KIAA0586: variants seen among roughly 807,000 people sequenced by gnomAD.
The protein encoded by KIAA0586 is KIAA0586.
KIAA0586 carries 144 observed loss-of-function variants against 169.8 expected under a neutral mutation model. The ratio of observed to expected loss-of-function variants is 0.85; its 90% CI spans 0.74 to 0.97. The LOEUF is 0.97. KIAA0586 is among the 50% of genes least tolerant of loss of function. KIAA0586 has a pLI of 0.00. For synonymous variants in KIAA0586, 625 were observed against 612.4 expected (o/e 1.02, Z -0.30); for missense variants, 1,854 against 1,823.0 (o/e 1.02, Z -0.31).
chr14:58,489,702 A>C (rs1233235393), intron 24 of KIAA0586, among the ~76,000 whole-genome samples: 1 of 152,038 alleles, frequency 6.6e-6, no homozygotes, highest in Non-Finnish European at 1.5e-5. Context: ...CCTTTCATGT[A>C]TATATGTCTT....
intron 26 of KIAA0586, among the ~76,000 whole-genome samples, chr14:58,496,735 T>C (rs1009450253): frequency 2.0e-5 from 3 of 152,182 alleles, no homozygotes; most frequent in African/African-American, 4.8e-5. Flanking sequence ...TTTCTTCATA[T>C]AGTCTAGTTA....
At chr14:58,554,846 C>T (rs1284062016), downstream of KIAA0586, among the ~76,000 whole-genome samples, 3 of 152,104 alleles carry the variant, frequency 2.0e-5, no homozygotes, top group Admixed American at 6.5e-5. Context: ...CAGATTTGGC[C>T]CATGGGCTGT....
At chr14:58,453,541 TG>T in intron 9 of KIAA0586, 68 bp downstream of exon 9, 1 of 1,149,682 alleles carries the variant, frequency 8.7e-7, no homozygotes, top group Non-Finnish European at 1.2e-6. Context: ...CAAATTTCTT[TG>T]GGACTTTTAA....
chr14:58,465,885 C>T lies in KIAA0586; in HGVS notation c.2110C>T (p.Pro704Ser). The change falls in exon 15 of 31, where the codon CCT becomes TCT. Residue 704 changes from proline (P) to serine (S), a missense_variant. By Grantham distance (74) the Pro-to-Ser change is moderately conservative (BLOSUM62 -1). Transcript: ENST00000652326. Reference sequence around the variant, plus strand: ...ACAGACTGACTTCTATGCAACAAAACCTAAGAAGATGGATTCTAAAATGAA... The same window carrying T: ...ACAGACTGACTTCTATGCAACAAAATCTAAGAAGATGGATTCTAAAATGAA... The part of the protein sequence containing the change: ...RTQTDFYATK[P>S]KKMDSKMKHS... The T allele has an allele frequency of 6.2e-7, 1 of 1,612,340 alleles. No individual in the cohort carries two copies. The highest frequency in any genetic ancestry group is 8.5e-7 in the Non-Finnish European group (1 of 1,178,998).
In KIAA0586 at chr14:58,498,838, C is replaced by T. The variant is rs751709908; in HGVS notation, c.4046C>T (p.Ala1349Val). The change falls in exon 27 of 31, where the codon GCG (alanine) becomes GTG (valine). Residue 1349 changes from alanine (A) to valine (V), a missense_variant. Physicochemically the swap from Ala to Val is moderately conservative, Grantham distance 64. Coordinates refer to ENST00000652326, the MANE Select transcript of KIAA0586 (RefSeq NM_001329943.3). ...GAAGGACAAAGACCCCAGCTAACAG[C>T]GGCAGCAGAGAACATCTTAATGGGA... is the stretch of plus-strand genomic sequence containing the variant. ...LSEGQRPQLT[A>V]AAENILMGHS... 30 of 1,611,266 alleles carry T rather than the reference C, an allele frequency of 1.9e-5. No homozygotes were observed. The highest frequency in any genetic ancestry group is 2.3e-5 in the Non-Finnish European group (27 of 1,178,798).
chr14:58,526,928 C>G (rs2045625392), intron 29 of KIAA0586, among the ~76,000 whole-genome samples: 1 of 151,788 alleles, frequency 6.6e-6, no homozygotes. Flanking sequence ...AATTCCTTCC[C>G]CCATAATAAA....
At chr14:58,493,243 A>T (rs1566894295) in intron 26 of KIAA0586, among the ~76,000 whole-genome samples, 1 of 152,170 alleles carries the variant, frequency 6.6e-6, no homozygotes, top group Non-Finnish European at 1.5e-5. Context: ...TTTTTTAAGG[A>T]TAATCTTGAG....
chr14:58,465,429 C>A (rs980286057), intron 14 of KIAA0586, among the ~76,000 whole-genome samples: 4 of 152,176 alleles, frequency 2.6e-5, no homozygotes, highest in African/African-American at 9.7e-5. Flanking sequence ...CTTTATTTAA[C>A]ATTTTTTTCT....
intron 29 of KIAA0586, among the ~76,000 whole-genome samples, chr14:58,519,610 T>G (rs1249046363): frequency 6.6e-6 from 1 of 152,224 alleles, no homozygotes; most frequent in Non-Finnish European, 1.5e-5. Context: ...TAACAGCTTG[T>G]TGATAAGAGC....
chr14:58,437,704 CAAAAAAAAAAAA>C (rs71107947), intron 4 of KIAA0586, among the ~76,000 whole-genome samples: 3 of 61,602 alleles, frequency 4.9e-5, no homozygotes, highest in Admixed American at 2.4e-4. Context: ...GATCCTGTCT[CAAAAAAAAAAAA>C]AAAAAAAAAA....
intron 21 of KIAA0586, among the ~76,000 whole-genome samples, chr14:58,486,126 C>T (rs1326827698): frequency 6.6e-6 from 1 of 152,174 alleles, no homozygotes; most frequent in African/African-American, 2.4e-5. Context: ...TCATAGTCCA[C>T]AGTGTCTGTT....
intron 29 of KIAA0586, among the ~76,000 whole-genome samples, chr14:58,520,510 T>TTTGTTGTTGTTG (rs56230772): frequency 2.0e-5 from 3 of 150,506 alleles, no homozygotes; most frequent in East Asian, 2.0e-4. Flanking sequence ...TTTTTGGGGT[T>TTTGTTGTTGTTG]TTGTTGTTGT....
intron 4 of KIAA0586, among the ~76,000 whole-genome samples, chr14:58,440,543 G>C (rs1472309079): frequency 6.6e-6 from 1 of 152,212 alleles, no homozygotes; most frequent in Non-Finnish European, 1.5e-5. Flanking sequence ...TGTTGGTCAG[G>C]CTGGTCTCAA....
chr14:58,502,056 T>C (rs1401849069), intron 27 of KIAA0586, among the ~76,000 whole-genome samples: 1 of 152,102 alleles, frequency 6.6e-6, no homozygotes, highest in Non-Finnish European at 1.5e-5. Context: ...TGTTAACCAG[T>C]CCATAGGGCC....
chr14:58,532,464 TATATCTC>T (rs1392799652), intron 29 of KIAA0586, among the ~76,000 whole-genome samples: 1 of 152,208 alleles, frequency 6.6e-6, no homozygotes, highest in Non-Finnish European at 1.5e-5. Context: ...ACCCAAGTCT[TATATCTC>T]ATATACCATA....
intron 15 of KIAA0586, among the ~76,000 whole-genome samples, 188 bp from the exon 16 acceptor site, chr14:58,467,547 T>C (rs2040862635): frequency 2.0e-5 from 3 of 152,184 alleles, no homozygotes; most frequent in Admixed American, 2.0e-4. Flanking sequence ...GTTGAGTACA[T>C]ATAAGTGCTT....
chr14:58,540,372 A>C (rs1193290009), intron 30 of KIAA0586, among the ~76,000 whole-genome samples: 4 of 152,232 alleles, frequency 2.6e-5, no homozygotes, highest in African/African-American at 9.6e-5. Flanking sequence ...AAAATGATGA[A>C]TTAAAAGGCT....
chr14:58,523,543 A>G (rs111771458), intron 29 of KIAA0586, among the ~76,000 whole-genome samples: 3 of 152,180 alleles, frequency 2.0e-5, no homozygotes, highest in African/African-American at 7.2e-5. Flanking sequence ...TTCAACAGCT[A>G]TTACAAATAA....
chr14:58,542,601 G>A (rs1309500882), intron 30 of KIAA0586, among the ~76,000 whole-genome samples: 1 of 152,028 alleles, frequency 6.6e-6, no homozygotes. Context: ...TAACTATTTA[G>A]AGGCCTTCCA....
Sources: gnomAD v4.1 joint callset for allele counts (sites outside exome capture counted in the v4.1 genomes callset) on GRCh38, gnomAD v4.1.1 for gene constraint, MANE v1.5 for transcripts, NCBI Gene and HGNC (gene_info 2026-07-23, HGNC 2026-07-21) for gene names.